Variants in SPAG17 observed in about 807,000 individuals in gnomAD.
SPAG17 encodes the protein sperm associated antigen 17, also known as sperm-associated antigen 17.
In SPAG17, 169 loss-of-function variants were observed where a neutral mutation model predicts 273.6. The ratio of observed to expected loss-of-function variants is 0.62; its 90% confidence interval spans 0.55 to 0.70. The LOEUF (loss-of-function observed/expected upper bound fraction) is 0.70, where lower values mean the gene tolerates loss of function less well. Ranked by LOEUF, SPAG17 falls within the 30% of genes least tolerant of loss-of-function variation. The pLI is 0.00. For missense variants in SPAG17, 2,557 were observed against 2,627.8 expected, an observed-to-expected ratio of 0.97 and a Z score of 0.59; for synonymous variants, 825 against 873.2, an observed-to-expected ratio of 0.94 and a Z score of 0.97.
At chr1:117,954,756 G>GAAGAC in intron 48 of SPAG17, 1 of 990,024 alleles carries the variant, frequency 1.0e-6, no homozygotes, top group Non-Finnish European at 1.5e-6. Context: ...AGTCTCTTTT[G>GAAGAC]AATCTTGGCA....
chr1:118,146,277 T>C (rs1182230980), intron 3 of SPAG17, among the ~76,000 whole-genome samples: 1 of 152,202 alleles, frequency 6.6e-6, no homozygotes, highest in Non-Finnish European at 1.5e-5. Context: ...ACATTTCAGT[T>C]GGTTTTGAAT....
At chr1:118,053,536 T>G (rs1342579816) in intron 20 of SPAG17, among the ~76,000 whole-genome samples, 2 of 151,898 alleles carry the variant, frequency 1.3e-5, no homozygotes, top group Non-Finnish European at 2.9e-5. Context: ...TATATTTAAT[T>G]TAAAAGTACT....
chr1:117,953,921 A>G lies in SPAG17; in HGVS notation c.*129T>C. On this transcript the variant is annotated 3_prime_UTR_variant, in exon 49 of 49. Coordinates refer to ENST00000336338, the MANE Select transcript of SPAG17 (RefSeq NM_206996.4). ...ACAGATTGAAGCTATTTCATTTGGCAAATTTCTGGTCAGTTCTTCCAGTTT... is the reference window on the plus strand; with the variant it reads ...ACAGATTGAAGCTATTTCATTTGGCGAATTTCTGGTCAGTTCTTCCAGTTT... The G allele has an allele frequency of 1.7e-6, 2 of 1,163,284 alleles. No individual in the cohort carries two copies. Among genetic ancestry groups the G allele is most frequent in the Non-Finnish European group, 2.5e-6 (2 of 812,738 alleles). 72.1% of individuals were successfully genotyped at this position (1,163,284 alleles called of 1,614,324 possible). A position where few individuals can be genotyped will look rare whatever the true frequency, so the allele number is the denominator to read the frequency against.
chr1:118,162,114 A>C (rs1659960001), intron 1 of SPAG17, among the ~76,000 whole-genome samples: 2 of 152,204 alleles, frequency 1.3e-5, no homozygotes, highest in African/African-American at 4.8e-5. Context: ...GATTAGAATA[A>C]ATTTCAAGCC....
chr1:118,068,456 T>C (rs1653209695), intron 17 of SPAG17, among the ~76,000 whole-genome samples: 1 of 152,318 alleles, frequency 6.6e-6, no homozygotes. Flanking sequence ...GCGTTTATGA[T>C]GAATATATAT....
At chr1:118,093,556 A>G (rs1462498421) in intron 7 of SPAG17, among the ~76,000 whole-genome samples, 1 of 152,130 alleles carries the variant, frequency 6.6e-6, no homozygotes. Flanking sequence ...TGGCTGCCTA[A>G]TGTTTTAAGA....
In SPAG17 at chr1:118,039,359, C is replaced by T. The variant is rs778709436; in HGVS notation, c.3252G>A (p.Lys1084=). ...HLNDPKEIVK[K]EEKGDYYLEE... is the part of the protein sequence containing the mutation. ...CTAAATAATAATCCCCTTTCTCTTC[C>T]TTTTTCACAATTTCCTTAGGGTCAT... The change falls in exon 23 of 49, where the codon AAG becomes AAA. Residue 1084 remains lysine, a synonymous_variant. Coordinates refer to ENST00000336338, the MANE Select transcript of SPAG17 (RefSeq NM_206996.4). 2.5e-6 allele frequency: 4 copies of T among 1,613,314 alleles called. No homozygotes were observed. Among genetic ancestry groups the T allele is most frequent in the East Asian group, 2.2e-5 (1 of 44,866 alleles).
chr1:118,040,683 T>C, intron 22 of SPAG17, 47 bp downstream of exon 22: 1 of 1,275,168 alleles, frequency 7.8e-7, no homozygotes, highest in East Asian at 2.3e-5. Context: ...TTATCTGAAA[T>C]GCATTATTAT....
At chr1:118,000,155 G>C (rs1225068185) in intron 32 of SPAG17, among the ~76,000 whole-genome samples, 1 of 152,092 alleles carries the variant, frequency 6.6e-6, no homozygotes, top group Admixed American at 6.6e-5. Flanking sequence ...TTATTTCTGA[G>C]GCCTCTGTCC....
intron 32 of SPAG17, among the ~76,000 whole-genome samples, chr1:118,004,560 TGA>T: frequency 6.6e-6 from 1 of 152,206 alleles, no homozygotes; most frequent in South Asian, 2.1e-4. Flanking sequence ...CCTCACAGTT[TGA>T]TCTCAGGCTG....
intron 3 of SPAG17, among the ~76,000 whole-genome samples, chr1:118,125,645 C>T (rs1024315139): frequency 6.6e-6 from 1 of 152,290 alleles, no homozygotes; most frequent in Non-Finnish European, 1.5e-5. Flanking sequence ...CTGTGTCTGA[C>T]TTATTTCACT....
chr1:117,978,409 T>A lies in SPAG17; in HGVS notation c.6004+2861A>T, dbSNP rs181080769. On this transcript the variant is annotated intron_variant, in intron 43 of 48. Transcript: ENST00000336338. ...CTCAAGTTTTTCCCCAGATGCCATG[T>A]TCTTCCATCTTCTTTAGGACCTTGT... Among the ~76,000 whole-genome samples the A allele has an allele frequency of 5.9e-5, 9 of 152,350 alleles. No homozygotes were observed. The East Asian group carries it at 1.7e-3, about 29-fold the overall frequency.
chr1:118,106,011 G>A (rs1558017264), intron 4 of SPAG17, among the ~76,000 whole-genome samples: 3 of 152,160 alleles, frequency 2.0e-5, no homozygotes, highest in Admixed American at 1.3e-4. Context: ...CAGGCCATCA[G>A]GACTGTAAAC....
At chr1:118,093,363 G>C in intron 7 of SPAG17, 46 bp from the exon 8 acceptor site, 1 of 1,540,084 alleles carries the variant, frequency 6.5e-7, no homozygotes, top group Non-Finnish European at 8.8e-7. Context: ...GTTTTACACT[G>C]TTGGAATCAG....
intron 3 of SPAG17, among the ~76,000 whole-genome samples, chr1:118,137,781 T>A (rs527972553): frequency 6.6e-6 from 1 of 152,316 alleles, no homozygotes; most frequent in South Asian, 2.1e-4. Context: ...GTGCCTATAA[T>A]ATGCACAGTA....
At chr1:118,146,736 C>T (rs1036945687) in intron 3 of SPAG17, among the ~76,000 whole-genome samples, 1 of 152,144 alleles carries the variant, frequency 6.6e-6, no homozygotes, top group Non-Finnish European at 1.5e-5. Context: ...AAACTTGGTG[C>T]TATAGGTTTA....
intron 4 of SPAG17, among the ~76,000 whole-genome samples, chr1:118,114,210 G>T (rs977894450): frequency 1.3e-5 from 2 of 152,006 alleles, no homozygotes; most frequent in Non-Finnish European, 2.9e-5. Context: ...CCCCCAACAC[G>T]ATGGAAAGAG....
At chr1:118,020,095 A>T (rs924619554) in intron 28 of SPAG17, among the ~76,000 whole-genome samples, 3 of 152,224 alleles carry the variant, frequency 2.0e-5, no homozygotes, top group African/African-American at 7.2e-5. Flanking sequence ...CTATAATAAA[A>T]TAAGCAAAAT....
intron 1 of SPAG17, among the ~76,000 whole-genome samples, chr1:118,181,855 C>A (rs919227863): frequency 3.3e-5 from 5 of 152,134 alleles, no homozygotes; most frequent in African/African-American, 1.2e-4. Context: ...GTGGCTTAAT[C>A]CTGCAATCCT....
Sources: allele counts gnomAD v4.1 joint callset (sites outside exome capture counted in the v4.1 genomes callset), GRCh38; gene constraint gnomAD v4.1.1; transcripts MANE v1.5; gene names NCBI Gene and HGNC (gene_info 2026-07-23, HGNC 2026-07-21).